Variants in AQR observed in about 807,000 individuals in gnomAD.
The protein encoded by AQR is aquarius intron-binding spliceosomal factor.
In AQR, 61 loss-of-function variants were observed where a neutral mutation model predicts 180.5. That is an observed-to-expected ratio of 0.34 (90% CI 0.28 to 0.42). AQR has a LOEUF of 0.42. Ranked by LOEUF, AQR falls within the 10% of genes least tolerant of loss-of-function variation. The pLI, the probability that AQR is intolerant of heterozygous loss-of-function variation, is 1.00. For synonymous variants in AQR, 551 were observed against 588.8 expected (o/e 0.94, Z 0.93); for missense variants, 1,281 against 1,798.3 (o/e 0.71, Z 5.20).
intron 24 of AQR, among the ~76,000 whole-genome samples, chr15:34,889,373 G>A (rs1435493723): frequency 6.6e-6 from 1 of 152,112 alleles, no homozygotes; most frequent in Non-Finnish European, 1.5e-5. Flanking sequence ...TAATGTCTAT[G>A]ATCAATTCAT....
chr15:34,860,945 G>A (rs1026834977), intron 33 of AQR, among the ~76,000 whole-genome samples: 7 of 152,188 alleles, frequency 4.6e-5, no homozygotes, highest in Non-Finnish European at 1.0e-4. Context: ...CTCTATAAGT[G>A]TAGGTAAGGT....
intron 18 of AQR, among the ~76,000 whole-genome samples, chr15:34,905,800 T>C (rs1893403258): frequency 6.6e-6 from 1 of 152,076 alleles, no homozygotes; most frequent in Non-Finnish European, 1.5e-5. Context: ...AAGCTTTGAA[T>C]AAAGATGATT....
chr15:34,967,407 T>C (rs1430832280), intron 1 of AQR, among the ~76,000 whole-genome samples: 1 of 152,210 alleles, frequency 6.6e-6, no homozygotes, highest in Non-Finnish European at 1.5e-5. Context: ...AACTATACCG[T>C]TCATCTGTCT....
Position 34,917,871 on chromosome 15 carries a change from G to T in AQR, c.1342+387C>A, listed in dbSNP as rs1264743276. 2.6e-5 allele frequency among the ~76,000 whole-genome samples: 4 copies of T among 151,078 alleles called. No individual in the cohort carries two copies. In the East Asian group the frequency reaches 7.8e-4, roughly 29 times the overall value. ...TGGTGGTGCACGCCTGTGGTCCCAGGTACTCGGGAGGCTGAAGTGGGAGGA... is the reference window on the plus strand; with the variant it reads ...TGGTGGTGCACGCCTGTGGTCCCAGTTACTCGGGAGGCTGAAGTGGGAGGA... On this transcript the variant is annotated intron_variant, in intron 15 of 34. Transcript: ENST00000156471.
At chr15:34,864,232 G>T (rs1326306334) in intron 32 of AQR, among the ~76,000 whole-genome samples, 1 of 152,090 alleles carries the variant, frequency 6.6e-6, no homozygotes, top group Non-Finnish European at 1.5e-5. Context: ...GAGGTACAGT[G>T]TGACACCAGC....
intron 33 of AQR, among the ~76,000 whole-genome samples, chr15:34,861,100 C>T (rs1189531839): frequency 1.3e-5 from 2 of 152,106 alleles, no homozygotes; most frequent in African/African-American, 4.8e-5. Context: ...TTTAGAAAAT[C>T]ATTAAGGTAA....
chr15:34,858,047 C>G (rs895931247), intron 34 of AQR, among the ~76,000 whole-genome samples: 2 of 151,972 alleles, frequency 1.3e-5, no homozygotes, highest in Admixed American at 1.3e-4. Flanking sequence ...GCAGTGGTGC[C>G]ATCTTGGCTC....
chr15:34,857,161 G>T, intron 34 of AQR, 55 bp from the exon 35 acceptor site: 1 of 1,462,396 alleles, frequency 6.8e-7, no homozygotes. Flanking sequence ...AGCTTATAAA[G>T]CTAAGCTCTC....
chr15:34,886,468 C>T, intron 25 of AQR, 58 bp downstream of exon 25: 1 of 1,526,146 alleles, frequency 6.6e-7, no homozygotes, highest in African/African-American at 1.4e-5. Flanking sequence ...CTCATTCCAG[C>T]TTCCAACTGG....
intron 20 of AQR, 76 bp downstream of exon 20, chr15:34,900,546 T>C (rs1466219187): frequency 2.6e-6 from 4 of 1,524,392 alleles, no homozygotes; most frequent in Non-Finnish European, 3.5e-6. Context: ...AAACTCACTT[T>C]AGCTAACAAT....
chr15:34,875,843 C>T (rs1892882401), intron 28 of AQR, 92 bp downstream of exon 28: 1 of 907,200 alleles, frequency 1.1e-6, no homozygotes, highest in Non-Finnish European at 1.8e-6. Context: ...ATAACTATGG[C>T]AATCAGCACA....
chr15:34,872,519 C>CA (rs1454568205), intron 30 of AQR, among the ~76,000 whole-genome samples: 1 of 151,862 alleles, frequency 6.6e-6, no homozygotes, highest in African/African-American at 2.4e-5. Flanking sequence ...GAAGAAATTC[C>CA]AAAAAACCAA....
chr15:34,910,405 C>T, intron 16 of AQR, 92 bp from the exon 17 acceptor site: 1 of 1,354,018 alleles, frequency 7.4e-7, no homozygotes, highest in African/African-American at 1.5e-5. Flanking sequence ...GAATACTGTT[C>T]AGCTAGTATT....
At chr15:34,858,112 T>G (rs1489812289) in intron 34 of AQR, among the ~76,000 whole-genome samples, 1 of 151,946 alleles carries the variant, frequency 6.6e-6, no homozygotes, top group African/African-American at 2.4e-5. Context: ...GCCTCCCAAG[T>G]AGCTGGGATT....
chr15:34,962,292 G>A (rs2140509139), intron 2 of AQR, among the ~76,000 whole-genome samples: 1 of 152,214 alleles, frequency 6.6e-6, no homozygotes, highest in East Asian at 1.9e-4. Context: ...AAAGTGCTGG[G>A]ATTACAGTCA....
At chr15:34,944,009 G>A (rs1447907161) in intron 6 of AQR, among the ~76,000 whole-genome samples, 2 of 152,066 alleles carry the variant, frequency 1.3e-5, no homozygotes, top group East Asian at 3.8e-4. Flanking sequence ...TCTCCCTTTA[G>A]AGTTTCAGTT....
chr15:34,943,284 C>A, intron 6 of AQR: 1 of 1,582,180 alleles, frequency 6.3e-7, no homozygotes, highest in Non-Finnish European at 8.6e-7. Context: ...TGTGCTAAGG[C>A]TTGAGTGCAT....
Position 34,855,019 on chromosome 15 carries a change from G to A in AQR, c.*1773C>T, listed in dbSNP as rs979508494. The A allele has an allele frequency of 2.6e-5, 4 of 152,132 alleles. No homozygotes were observed. The highest frequency in any genetic ancestry group is 6.5e-5 in the Admixed American group (1 of 15,276). The allele number at this position is 152,132 out of a possible 1,614,324, so 9.4% of individuals were successfully genotyped here. A position where few individuals can be genotyped will look rare whatever the true frequency, so the allele number is the denominator to read the frequency against. On this transcript the variant is annotated 3_prime_UTR_variant, in exon 35 of 35. Transcript: ENST00000156471. Reference sequence around the variant, plus strand: ...GCACCTGCTTTCAAAATCTTTTATCGGAGAAATTACATAACAGGCTATCTG... The same window carrying A: ...GCACCTGCTTTCAAAATCTTTTATCAGAGAAATTACATAACAGGCTATCTG...
intron 20 of AQR, among the ~76,000 whole-genome samples, chr15:34,899,083 T>C (rs1893292481): frequency 6.6e-6 from 1 of 151,576 alleles, no homozygotes; most frequent in South Asian, 2.1e-4. Flanking sequence ...GGCAGGAGAC[T>C]GACGTGAACC....
Sources: gnomAD v4.1 joint callset for allele counts (sites outside exome capture counted in the v4.1 genomes callset) on GRCh38, gnomAD v4.1.1 for gene constraint, MANE v1.5 for transcripts, NCBI Gene and HGNC (gene_info 2026-07-23, HGNC 2026-07-21) for gene names.